DSCAM: variants seen among roughly 807,000 people sequenced by gnomAD.
The protein encoded by DSCAM is DS cell adhesion molecule, also known as cell adhesion molecule DSCAM.
Under a neutral mutation model 217.7 loss-of-function variants are expected in DSCAM, and 47 were observed. The ratio of observed to expected loss-of-function variants is 0.22; its 90% CI spans 0.17 to 0.28. The LOEUF is 0.28. Ranked by LOEUF, DSCAM falls within the 10% of genes least tolerant of loss-of-function variation. DSCAM has a pLI of 1.00. For synonymous variants in DSCAM, 1,056 were observed against 1,015.3 expected (o/e 1.04, Z -0.76); for missense variants, 2,080 against 2,618.3 (o/e 0.79, Z 4.49).
chr21:40,211,598 G>A (rs925075432), intron 11 of DSCAM, among the ~76,000 whole-genome samples: 1 of 152,136 alleles, frequency 6.6e-6, no homozygotes, highest in Non-Finnish European at 1.5e-5. Context: ...GTGTAGCCAG[G>A]CATGCATTTT....
chr21:40,537,996 G>A (rs969016437), intron 3 of DSCAM, among the ~76,000 whole-genome samples: 1 of 152,200 alleles, frequency 6.6e-6, no homozygotes. Context: ...ATCTCAGAGA[G>A]AGCGCTCAAT....
chr21:40,305,095 T>C (rs2074057671), intron 9 of DSCAM, among the ~76,000 whole-genome samples: 1 of 151,850 alleles, frequency 6.6e-6, no homozygotes, highest in South Asian at 2.1e-4. Flanking sequence ...GGAAGCACAA[T>C]AAAGCAAAGT....
At chr21:40,120,389 G>C (rs556820570) in intron 20 of DSCAM, among the ~76,000 whole-genome samples, 1 of 152,240 alleles carries the variant, frequency 6.6e-6, no homozygotes, top group South Asian at 2.1e-4. Context: ...ATATCATAAT[G>C]CTTATTTAAT....
At chr21:40,772,840 G>A (rs909805132) in intron 1 of DSCAM, among the ~76,000 whole-genome samples, 4 of 152,206 alleles carry the variant, frequency 2.6e-5, no homozygotes, top group Non-Finnish European at 5.9e-5. Flanking sequence ...TAACTTCACA[G>A]GATTTGCCTT....
At chr21:40,712,205 C>T (rs560841681) in intron 1 of DSCAM, among the ~76,000 whole-genome samples, 100 of 152,204 alleles carry the variant, frequency 6.6e-4, no homozygotes, top group African/African-American at 2.3e-3. Context: ...TTTTTGGGAA[C>T]CCATTGAATC....
At chr21:40,593,116 C>T (rs1215871265) in intron 3 of DSCAM, among the ~76,000 whole-genome samples, 1 of 152,176 alleles carries the variant, frequency 6.6e-6, no homozygotes, top group African/African-American at 2.4e-5. Context: ...ACTTAAACTA[C>T]ACTATTTAAG....
intron 3 of DSCAM, among the ~76,000 whole-genome samples, chr21:40,442,655 G>T (rs569441143): frequency 2.5e-4 from 38 of 151,688 alleles, no homozygotes; most frequent in African/African-American, 8.9e-4. Context: ...GAATAGCTGG[G>T]AGCACACCAT....
At chr21:40,498,666 C>CA (rs2076139916) in intron 3 of DSCAM, among the ~76,000 whole-genome samples, 12 of 51,042 alleles carry the variant, frequency 2.4e-4, no homozygotes, top group African/African-American at 8.4e-4. Flanking sequence ...TATATATATA[C>CA]CCATATATAT....
At chr21:40,286,957 G>T (rs1457087054) in intron 10 of DSCAM, among the ~76,000 whole-genome samples, 1 of 150,278 alleles carries the variant, frequency 6.7e-6, no homozygotes, top group Non-Finnish European at 1.5e-5. Flanking sequence ...GATCCATGGT[G>T]TGATCTGCAG....
At chr21:40,710,165 C>A (rs1275001716) in intron 1 of DSCAM, among the ~76,000 whole-genome samples, 1 of 149,144 alleles carries the variant, frequency 6.7e-6, no homozygotes, top group Non-Finnish European at 1.5e-5. Context: ...ATATCATTTG[C>A]CCACTTTTTG....
Position 40,353,493 on chromosome 21 carries a change from A to G in DSCAM, c.906T>C (p.Ala302=). The G allele has an allele frequency of 6.2e-7, 1 of 1,610,958 alleles. No homozygotes were observed. The highest frequency in any genetic ancestry group is 1.7e-5 in the Admixed American group (1 of 59,170). Residue 302 remains alanine, a synonymous_variant, in exon 5 of 33, where the codon GCT becomes GCC. Transcript: ENST00000400454. ...TCACGTACAGGCGGCCTATCACCTT[A>G]GCAGTTCCGTATCTGTTGGACACTT... ...VCEVSNRYGT[A]KVIGRLYVKQ...
At chr21:40,552,440 G>A (rs1413823449) in intron 3 of DSCAM, among the ~76,000 whole-genome samples, 1 of 152,162 alleles carries the variant, frequency 6.6e-6, no homozygotes, top group African/African-American at 2.4e-5. Flanking sequence ...TGATTCAACT[G>A]GAAACTCACG....
chr21:40,244,511 C>T (rs1373549264), intron 11 of DSCAM, among the ~76,000 whole-genome samples: 2 of 150,304 alleles, frequency 1.3e-5, no homozygotes, highest in African/African-American at 4.9e-5. Context: ...TCCATTTAAT[C>T]AATCATTTTC....
intron 3 of DSCAM, among the ~76,000 whole-genome samples, chr21:40,592,958 C>T (rs1440767655): frequency 2.0e-5 from 3 of 152,072 alleles, no homozygotes; most frequent in East Asian, 1.9e-4. Flanking sequence ...TAAATGGAAA[C>T]GAGGTTTTAA....
At chr21:40,077,067 G>A (rs371227353) in intron 26 of DSCAM, among the ~76,000 whole-genome samples, 1 of 152,200 alleles carries the variant, frequency 6.6e-6, no homozygotes, top group East Asian at 1.9e-4. Flanking sequence ...TCACTGAAGA[G>A]TGAGGGCTAT....
chr21:40,411,079 C>G (rs1334317082), intron 3 of DSCAM, among the ~76,000 whole-genome samples: 1 of 151,484 alleles, frequency 6.6e-6, no homozygotes, highest in Non-Finnish European at 1.5e-5. Context: ...AAAATAGTAG[C>G]AAGTCTAGCA....
At chr21:40,245,608 G>C (rs1203333970) in intron 11 of DSCAM, among the ~76,000 whole-genome samples, 1 of 152,160 alleles carries the variant, frequency 6.6e-6, no homozygotes, top group African/African-American at 2.4e-5. Context: ...ACCCTTTCAG[G>C]GTTGGTGCTG....
intron 1 of DSCAM, among the ~76,000 whole-genome samples, chr21:40,775,565 G>A (rs561739873): frequency 2.0e-5 from 3 of 152,222 alleles, no homozygotes; most frequent in South Asian, 2.1e-4. Flanking sequence ...AGCTTACAAC[G>A]GATTCTGAGG....
At chr21:40,388,920 G>A (rs1373752421) in intron 3 of DSCAM, among the ~76,000 whole-genome samples, 1 of 152,020 alleles carries the variant, frequency 6.6e-6, no homozygotes. Context: ...TTTCATGTTG[G>A]CTTTTCTTAG....
Sources: gnomAD v4.1 joint callset for allele counts (sites outside exome capture counted in the v4.1 genomes callset) on GRCh38, gnomAD v4.1.1 for gene constraint, MANE v1.5 for transcripts, NCBI Gene and HGNC (gene_info 2026-07-23, HGNC 2026-07-21) for gene names.